Variants in ADAM10 observed in about 807,000 individuals in gnomAD.
The protein encoded by ADAM10 is disintegrin and metalloproteinase domain-containing protein 10.
Under a neutral mutation model 90.1 loss-of-function variants are expected in ADAM10, and 17 were observed. The observed-to-expected ratio is 0.19, with a 90% confidence interval of 0.13 to 0.28. The LOEUF (loss-of-function observed/expected upper bound fraction) is 0.28. Among genes scored for constraint, ADAM10 ranks in the 10% least tolerant of loss-of-function variants. ADAM10 has a pLI of 1.00. For synonymous variants in ADAM10, 310 were observed against 298.6 expected, an observed-to-expected ratio of 1.04 and a Z score of -0.40; for missense variants, 610 against 914.3, an observed-to-expected ratio of 0.67 and a Z score of 4.29.
At chr15:58,624,939 TAA>T (rs1206319102) in intron 10 of ADAM10, among the ~76,000 whole-genome samples, 1 of 152,196 alleles carries the variant, frequency 6.6e-6, no homozygotes, top group African/African-American at 2.4e-5. Flanking sequence ...TGTACATTTT[TAA>T]AAGTCAACTT....
At chr15:58,702,126 G>A (rs758571119) in intron 2 of ADAM10, among the ~76,000 whole-genome samples, 31 of 151,902 alleles carry the variant, frequency 2.0e-4, no homozygotes, top group Admixed American at 6.6e-5. Flanking sequence ...AAAAGAAAAG[G>A]AAATCTTATC....
Position 58,655,671 on chromosome 15 carries a change from TACATAC to T in ADAM10, c.585+9420_585+9425del, listed in dbSNP as rs1235453048. 6.7e-4 allele frequency among the ~76,000 whole-genome samples: 74 copies of T among 110,934 alleles called. 2 individuals carry two copies. Among genetic ancestry groups the T allele is most frequent in the African/African-American group, 2.6e-3 (66 of 25,124 alleles). 72.8% of individuals were successfully genotyped at this position (110,934 alleles called of 152,430 possible). A position where few individuals can be genotyped will look rare whatever the true frequency, so the allele number is the denominator to read the frequency against. ...CCCTTTGCATACATACATACATACA[TACATAC>T]ATATATATATTATATATAGTATATA... is the stretch of plus-strand genomic sequence containing the variant. On this transcript the variant is annotated intron_variant, in intron 5 of 15. Transcript: ENST00000260408.
chr15:58,690,901 A>G (rs1446747907), intron 2 of ADAM10, among the ~76,000 whole-genome samples: 1 of 152,190 alleles, frequency 6.6e-6, no homozygotes, highest in Non-Finnish European at 1.5e-5. Flanking sequence ...GAGAAGCCAG[A>G]AGAGAGCAGT....
At chr15:58,682,456 T>TA (rs1322934476) in intron 2 of ADAM10, 142 bp from the exon 3 acceptor site, 1 of 1,349,600 alleles carries the variant, frequency 7.4e-7, no homozygotes, top group Non-Finnish European at 9.8e-7. Flanking sequence ...CCAAGATTTT[T>TA]AAAGACATAT....
chr15:58,684,660 C>T (rs1596065190), intron 2 of ADAM10, among the ~76,000 whole-genome samples: 1 of 152,192 alleles, frequency 6.6e-6, no homozygotes, highest in Non-Finnish European at 1.5e-5. Context: ...TGAGTTGTAT[C>T]CTTTATAATA....
intron 2 of ADAM10, chr15:58,686,567 C>G (rs1897609945): frequency 1.5e-6 from 2 of 1,306,468 alleles, no homozygotes; most frequent in Non-Finnish European, 2.2e-6. Context: ...GGTGGGTGTT[C>G]TAGCTGGAAG....
chr15:58,610,548 G>T (rs746158627), intron 13 of ADAM10, 31 bp from the exon 14 acceptor site: 2 of 1,592,602 alleles, frequency 1.3e-6, no homozygotes, highest in Non-Finnish European at 1.7e-6. Context: ...ATAAGCTGAA[G>T]GTCAGATTCA....
intron 2 of ADAM10, chr15:58,691,031 A>G (rs1242282475): frequency 5.6e-6 from 3 of 531,936 alleles, no homozygotes; most frequent in African/African-American, 1.9e-5. Flanking sequence ...GGTGCTTTTT[A>G]GCCATCATAT....
intron 1 of ADAM10, among the ~76,000 whole-genome samples, chr15:58,726,003 A>C (rs1439485225): frequency 1.3e-5 from 2 of 152,222 alleles, no homozygotes; most frequent in Admixed American, 6.5e-5. Context: ...GAAATAATGA[A>C]TATATAAGAA....
chr15:58,637,825 G>A (rs1896305543), intron 8 of ADAM10, among the ~76,000 whole-genome samples: 1 of 151,938 alleles, frequency 6.6e-6, no homozygotes, highest in Admixed American at 6.6e-5. Flanking sequence ...GTATTAGGTT[G>A]GTCACAAAGT....
intron 2 of ADAM10, among the ~76,000 whole-genome samples, chr15:58,684,082 C>T (rs1279310592): frequency 6.6e-6 from 1 of 152,046 alleles, no homozygotes; most frequent in African/African-American, 2.4e-5. Context: ...CTTATAATAC[C>T]TCACACAGTA....
At chr15:58,745,645 G>T (rs143184074) in intron 1 of ADAM10, among the ~76,000 whole-genome samples, 2 of 152,128 alleles carry the variant, frequency 1.3e-5, no homozygotes, top group African/African-American at 4.8e-5. Flanking sequence ...TGGATAAGGG[G>T]TCACAGTCAA....
chr15:58,646,026 C>T lies in ADAM10; in HGVS notation c.735+29G>A, dbSNP rs775042369. The T allele has an allele frequency of 1.9e-6, 3 of 1,610,990 alleles. No individual in the cohort carries two copies. The Admixed American group carries it at 5.0e-5, about 27-fold the overall frequency. Reference sequence around the variant, plus strand: ...TAGGCATTATAAAACAATATGGGAACTACTAAAATAGCGCATAATCATAAA... The same window carrying T: ...TAGGCATTATAAAACAATATGGGAATTACTAAAATAGCGCATAATCATAAA... On this transcript the variant is annotated intron_variant, in intron 6 of 15. Transcript: ENST00000260408.
chr15:58,706,754 T>TA (rs1254266042), intron 2 of ADAM10, among the ~76,000 whole-genome samples: 1 of 152,064 alleles, frequency 6.6e-6, no homozygotes, highest in Admixed American at 6.5e-5. Context: ...CTCATGCCTG[T>TA]AATTCCAGAA....
chr15:58,712,849 GGCA>G (rs1567008042), intron 2 of ADAM10, among the ~76,000 whole-genome samples: 1 of 151,780 alleles, frequency 6.6e-6, no homozygotes, highest in African/African-American at 2.4e-5. Context: ...AGACAGGAAC[GGCA>G]GGACAACATG....
In ADAM10 at chr15:58,592,208, C is replaced by T. The variant is rs1894839508; in HGVS notation, c.*5339G>A. On this transcript the variant is annotated 3_prime_UTR_variant, in exon 16 of 16. Transcript: ENST00000260408. ...AGGAGGCACAAAATCTGATTGCTCT[C>T]ACTTTGTGAGGTTAGCAGTCACTGG... 1 of 152,320 alleles carries T rather than the reference C, an allele frequency of 6.6e-6. No individual in the cohort carries two copies. Among genetic ancestry groups the T allele is most frequent in the East Asian group, 1.9e-4 (1 of 5,186 alleles). The allele number at this position is 152,320 out of a possible 1,614,324, so 9.4% of individuals were successfully genotyped here. A position where few individuals can be genotyped will look rare whatever the true frequency, so the allele number is the denominator to read the frequency against.
intron 1 of ADAM10, among the ~76,000 whole-genome samples, chr15:58,740,463 T>C (rs944260149): frequency 2.6e-4 from 40 of 152,046 alleles, no homozygotes; most frequent in African/African-American, 9.2e-4. Context: ...AAAAATATGG[T>C]ATAAACAGGA....
In ADAM10 at chr15:58,610,883, C is replaced by T. The variant is rs975976262; in HGVS notation, c.1804+116G>A. On this transcript the variant is annotated intron_variant, in intron 13 of 15. Coordinates refer to ENST00000260408, the MANE Select transcript of ADAM10 (RefSeq NM_001110.4). ...TACATTTATAATCTCCTCAAGAGGA[C>T]AGATTTAGCTGGAAATTATCTGGCC... The T allele has an allele frequency of 1.1e-5, 9 of 794,620 alleles. No homozygotes were observed. The Admixed American group carries it at 1.4e-4, about 12-fold the overall frequency. 49.2% of individuals were successfully genotyped at this position (794,620 alleles called of 1,614,324 possible).
rs1323960397 is a variant in ADAM10 at position 58,647,246 on chromosome 15, G to GTTTTTTTTT, written c.586-1043_586-1042insAAAAAAAAA. 1.3e-3 allele frequency among the ~76,000 whole-genome samples: 48 copies of GTTTTTTTTT among 36,846 alleles called. 4 individuals are homozygous for GTTTTTTTTT. Among genetic ancestry groups the GTTTTTTTTT allele is most frequent in the Admixed American group, 0.01 (35 of 3,486 alleles). The allele number at this position is 36,846 out of a possible 152,430, so 24.2% of individuals were successfully genotyped here. A position where few individuals can be genotyped will look rare whatever the true frequency, so the allele number is the denominator to read the frequency against. On this transcript the variant is annotated intron_variant, in intron 5 of 15. Coordinates refer to ENST00000260408, the MANE Select transcript of ADAM10 (RefSeq NM_001110.4). ...CTTGGCAGCAAAGAGTAGACACTAA[G>GTTTTTTTTT]TATTTTTTTTTTTTTTTTTTTTTTT...
Sources: gnomAD v4.1 joint callset for allele counts (sites outside exome capture counted in the v4.1 genomes callset) on GRCh38, gnomAD v4.1.1 for gene constraint, MANE v1.5 for transcripts, NCBI Gene and HGNC (gene_info 2026-07-23, HGNC 2026-07-21) for gene names.